Variants in SDK1 observed in about 807,000 individuals in gnomAD.
SDK1 encodes sidekick cell adhesion molecule 1.
SDK1 carries 157 observed loss-of-function variants against 245.5 expected under a neutral mutation model. The ratio of observed to expected loss-of-function variants is 0.64; its 90% CI spans 0.56 to 0.73. SDK1 has a LOEUF of 0.73. SDK1 is among the 30% of genes least tolerant of loss of function. The probability of loss-of-function intolerance (pLI) is 0.00; values close to 1 mark genes in which losing one functional copy is unlikely to be tolerated. For synonymous variants in SDK1, 1,647 were observed against 1,278.5 expected, an observed-to-expected ratio of 1.29 and a Z score of -6.15; for missense variants, 3,583 against 3,002.3, an observed-to-expected ratio of 1.19 and a Z score of -4.52.
At chr7:3,632,057 G>C (rs1782309012) in intron 2 of SDK1, among the ~76,000 whole-genome samples, 1 of 151,982 alleles carries the variant, frequency 6.6e-6, no homozygotes, top group Non-Finnish European at 1.5e-5. Context: ...AGAGAACCTG[G>C]CATTATAAAG....
intron 1 of SDK1, among the ~76,000 whole-genome samples, chr7:3,480,113 G>A (rs960135746): frequency 2.0e-5 from 3 of 152,176 alleles, no homozygotes; most frequent in Non-Finnish European, 2.9e-5. Context: ...TGATCATTTC[G>A]TTTTCAAATA....
At chr7:3,506,201 G>C (rs1182222361) in intron 1 of SDK1, among the ~76,000 whole-genome samples, 1 of 151,876 alleles carries the variant, frequency 6.6e-6, no homozygotes, top group African/African-American at 2.4e-5. Context: ...TTGTTTGCTT[G>C]AAAAAAATTT....
intron 8 of SDK1, 135 bp from the exon 9 acceptor site, chr7:3,962,522 T>C (rs1371201579): frequency 4.1e-6 from 3 of 730,052 alleles, no homozygotes; most frequent in Non-Finnish European, 6.7e-6. Context: ...TAGCTCCTTA[T>C]AGGGTGGTTG....
At chr7:3,731,040 C>G (rs919617502) in intron 4 of SDK1, among the ~76,000 whole-genome samples, 1 of 152,176 alleles carries the variant, frequency 6.6e-6, no homozygotes, top group Non-Finnish European at 1.5e-5. Flanking sequence ...TGTAACAAAA[C>G]CCCTCTCAAA....
intron 1 of SDK1, among the ~76,000 whole-genome samples, chr7:3,610,617 C>G (rs1329893909): frequency 6.6e-6 from 1 of 152,162 alleles, no homozygotes; most frequent in Non-Finnish European, 1.5e-5. Flanking sequence ...TAAATATAGC[C>G]ATATATGTTT....
intron 4 of SDK1, among the ~76,000 whole-genome samples, chr7:3,676,610 C>A (rs917745752): frequency 6.6e-6 from 1 of 152,112 alleles, no homozygotes; most frequent in South Asian, 2.1e-4. Context: ...CAGGCGTGAG[C>A]CACCACGCCT....
At chr7:3,577,310 C>G (rs1780325896) in intron 1 of SDK1, among the ~76,000 whole-genome samples, 1 of 152,014 alleles carries the variant, frequency 6.6e-6, no homozygotes. Flanking sequence ...TTATTTACAC[C>G]ATTTTACAGA....
chr7:4,075,899 C>T (rs1051887782), intron 20 of SDK1, among the ~76,000 whole-genome samples: 1 of 152,042 alleles, frequency 6.6e-6, no homozygotes, highest in African/African-American at 2.4e-5. Flanking sequence ...GTGGTCCACC[C>T]GCCTTGGCCT....
At chr7:3,897,501 G>T (rs1325804455) in intron 5 of SDK1, among the ~76,000 whole-genome samples, 1 of 152,122 alleles carries the variant, frequency 6.6e-6, no homozygotes, top group Non-Finnish European at 1.5e-5. Context: ...TGTCTTTGAG[G>T]CTATCCATAT....
chr7:3,892,950 A>T (rs991537458), intron 5 of SDK1, among the ~76,000 whole-genome samples: 2 of 152,080 alleles, frequency 1.3e-5, no homozygotes, highest in South Asian at 2.1e-4. Flanking sequence ...CGCACTTCAC[A>T]TGGCAGGGAA....
intron 27 of SDK1, among the ~76,000 whole-genome samples, chr7:4,130,788 C>T (rs1348140758): frequency 6.6e-6 from 1 of 152,166 alleles, no homozygotes; most frequent in African/African-American, 2.4e-5. Context: ...ATTAAACAGA[C>T]TGTAATGAAT....
At chr7:3,979,784 C>T (rs894122251) in intron 13 of SDK1, among the ~76,000 whole-genome samples, 1 of 152,210 alleles carries the variant, frequency 6.6e-6, no homozygotes, top group African/African-American at 2.4e-5. Context: ...TTCCCCAAAG[C>T]ATCTTCCTGT....
At chr7:3,489,993 G>C (rs73671857) in intron 1 of SDK1, among the ~76,000 whole-genome samples, 2 of 151,824 alleles carry the variant, frequency 1.3e-5, no homozygotes, top group African/African-American at 4.8e-5. Flanking sequence ...TTTTCCCCTC[G>C]TGCTTACTGG....
At chr7:3,462,613 ACTT>A (rs1780867990) in intron 1 of SDK1, among the ~76,000 whole-genome samples, 1 of 152,086 alleles carries the variant, frequency 6.6e-6, no homozygotes, top group Non-Finnish European at 1.5e-5. Context: ...ACTAGACCAA[ACTT>A]ACCTATCTAC....
chr7:3,868,380 ACTGT>A (rs1242118007), intron 5 of SDK1, among the ~76,000 whole-genome samples: 2 of 152,256 alleles, frequency 1.3e-5, no homozygotes, highest in Admixed American at 6.5e-5. Context: ...TGAGGTTAAA[ACTGT>A]CTGTGTGGAG....
At chr7:3,675,115 A>G (rs1017423260) in intron 4 of SDK1, among the ~76,000 whole-genome samples, 1 of 152,112 alleles carries the variant, frequency 6.6e-6, no homozygotes, top group African/African-American at 2.4e-5. Context: ...GATATCTCCA[A>G]TGTTGATCTC....
intron 1 of SDK1, among the ~76,000 whole-genome samples, chr7:3,390,549 T>C (rs1161614700): frequency 6.6e-6 from 1 of 152,212 alleles, no homozygotes; most frequent in African/African-American, 2.4e-5. Context: ...GCAGATGTAA[T>C]TAAATAAGAT....
At chr7:4,175,317 A>G (rs1007524364) in intron 33 of SDK1, among the ~76,000 whole-genome samples, 5 of 152,198 alleles carry the variant, frequency 3.3e-5, no homozygotes, top group African/African-American at 1.2e-4. Flanking sequence ...CAAAATCAAA[A>G]CAGCACAGTA....
intron 5 of SDK1, among the ~76,000 whole-genome samples, chr7:3,845,317 C>G (rs969774502): frequency 1.3e-5 from 2 of 151,940 alleles, no homozygotes; most frequent in African/African-American, 4.8e-5. Flanking sequence ...TGGGGAAACC[C>G]TGTCTCTACT....
Sources: allele counts gnomAD v4.1 joint callset (sites outside exome capture counted in the v4.1 genomes callset), GRCh38; gene constraint gnomAD v4.1.1; transcripts MANE v1.5; gene names NCBI Gene and HGNC (gene_info 2026-07-23, HGNC 2026-07-21).